Variants in HIRA observed in about 807,000 individuals in gnomAD.
HIRA encodes the protein histone cell cycle regulator.
HIRA carries 13 observed loss-of-function variants against 126.6 expected under a neutral mutation model. The ratio of observed to expected loss-of-function variants is 0.10; its 90% CI spans 0.07 to 0.16. The LOEUF (loss-of-function observed/expected upper bound fraction) is 0.16, where lower values mean the gene tolerates loss of function less well. Among genes scored for constraint, HIRA ranks in the 10% least tolerant of loss-of-function variants. The pLI is 1.00. For synonymous variants in HIRA, 511 were observed against 520.0 expected (o/e 0.98, Z 0.24); for missense variants, 834 against 1,314.4 (o/e 0.63, Z 5.65).
chr22:19,357,954 A>T (rs980849333), intron 18 of HIRA, among the ~76,000 whole-genome samples: 25 of 152,108 alleles, frequency 1.6e-4, no homozygotes, highest in African/African-American at 6.0e-4. Context: ...ATCAGAGAAC[A>T]CTCTAAGCAG....
At chr22:19,358,616 C>T (rs1454293500) in intron 18 of HIRA, among the ~76,000 whole-genome samples, 1 of 152,206 alleles carries the variant, frequency 6.6e-6, no homozygotes, top group Admixed American at 6.5e-5. Context: ...ACACAAAACT[C>T]ACTCAGGGCC....
chr22:19,383,397 C>G (rs1318121861), intron 13 of HIRA, among the ~76,000 whole-genome samples: 3 of 152,178 alleles, frequency 2.0e-5, no homozygotes, highest in Non-Finnish European at 4.4e-5. Flanking sequence ...GTGCTGGCCG[C>G]CTTAGCACTC....
chr22:19,339,172 A>C (rs932388236), intron 24 of HIRA, among the ~76,000 whole-genome samples: 1 of 152,216 alleles, frequency 6.6e-6, no homozygotes, highest in South Asian at 2.1e-4. Flanking sequence ...ATACAAATAC[A>C]TGGAAATTAA....
At chr22:19,410,842 C>T (rs1397501581) in intron 1 of HIRA, 64 bp from the exon 2 acceptor site, 21 of 1,291,212 alleles carry the variant, frequency 1.6e-5, no homozygotes, top group Non-Finnish European at 2.3e-5. Flanking sequence ...GTGTATCAAA[C>T]TCAACAGATT....
chr22:19,431,529 G>T lies in HIRA; in HGVS notation c.-53C>A. Reference sequence around the variant, plus strand: ...AGGCGAGCGCCGGGTCCCTCAGCGCGCCCGGGCCATGGAGCCACCGCCGCC... The same window carrying T: ...AGGCGAGCGCCGGGTCCCTCAGCGCTCCCGGGCCATGGAGCCACCGCCGCC... On this transcript the variant is annotated 5_prime_UTR_variant, in exon 1 of 25. Transcript: ENST00000263208. The T allele has an allele frequency of 6.8e-7, 1 of 1,473,906 alleles. No individual in the cohort carries two copies. Among genetic ancestry groups the T allele is most frequent in the Admixed American group, 2.0e-5 (1 of 50,180 alleles). 91.3% of individuals were successfully genotyped at this position (1,473,906 alleles called of 1,614,324 possible).
intron 7 of HIRA, among the ~76,000 whole-genome samples, chr22:19,396,322 C>G (rs1397117343): frequency 6.6e-6 from 1 of 152,168 alleles, no homozygotes. Context: ...TCGAGACCAG[C>G]CTGGCCAACA....
chr22:19,364,825 A>G (rs1448532167), intron 15 of HIRA, among the ~76,000 whole-genome samples: 1 of 152,230 alleles, frequency 6.6e-6, no homozygotes, highest in Non-Finnish European at 1.5e-5. Flanking sequence ...GATTAAGCTT[A>G]AAGAGGAAGG....
intron 9 of HIRA, among the ~76,000 whole-genome samples, chr22:19,390,876 C>T (rs1187391171): frequency 2.0e-5 from 3 of 151,970 alleles, no homozygotes; most frequent in African/African-American, 7.3e-5. Flanking sequence ...CTCATGCCAG[C>T]GTAAACACCT....
intron 24 of HIRA, among the ~76,000 whole-genome samples, chr22:19,349,399 G>C (rs187073689): frequency 5.1e-4 from 77 of 152,228 alleles, no homozygotes; most frequent in African/African-American, 1.7e-3. Flanking sequence ...CACTGTGCCC[G>C]GCGATACAGC....
intron 24 of HIRA, among the ~76,000 whole-genome samples, chr22:19,334,135 T>C (rs1049122654): frequency 7.2e-5 from 11 of 151,818 alleles, no homozygotes; most frequent in East Asian, 4.0e-4. Context: ...CCAGCACGCC[T>C]GGCTAATTTT....
In HIRA at chr22:19,361,738, G is replaced by C; in HGVS notation, c.1969C>G (p.Leu657Val). The stretch of plus-strand genomic sequence containing the variant: ...CCCACTGGCCTCACCTGGACAGACA[G>C]AGACACAGGCATGAGACGAGAGTCC... ...RKDSRLMPVS[L>V]SVQSPAALTA... Residue 657 changes from leucine to valine, a missense_variant, in exon 16 of 25, where the codon CTG becomes GTG. By Grantham distance (32) the Leu-to-Val change is conservative. Coordinates refer to ENST00000263208, the MANE Select transcript of HIRA (RefSeq NM_003325.4). 1.9e-6 allele frequency: 3 copies of C among 1,612,440 alleles called. No homozygotes were observed. Among genetic ancestry groups the C allele is most frequent in the Non-Finnish European group, 2.5e-6 (3 of 1,180,014 alleles).
At chr22:19,361,155 A>G in intron 17 of HIRA, 82 bp downstream of exon 17, 1 of 1,070,198 alleles carries the variant, frequency 9.3e-7, no homozygotes. Flanking sequence ...CAAGGAAGTG[A>G]CAAGATAGGA....
chr22:19,379,628 TAA>T (rs753015452), intron 13 of HIRA, among the ~76,000 whole-genome samples: 38 of 130,872 alleles, frequency 2.9e-4, no homozygotes, highest in Non-Finnish European at 2.6e-4. Flanking sequence ...TCGCCTCAAT[TAA>T]AAAAAAAAAA....
chr22:19,408,378 GGA>G, intron 3 of HIRA, 103 bp downstream of exon 3: 2 of 711,292 alleles, frequency 2.8e-6, no homozygotes, highest in South Asian at 3.1e-5. Flanking sequence ...CAGGCCGAGG[GGA>G]GTTACCGCCG....
rs748482965 is a variant in HIRA, at chr22:19,408,605, G to C, written c.101-12C>G. The C allele has an allele frequency of 3.3e-6, 5 of 1,494,380 alleles. No homozygotes were observed. The African/African-American group carries it at 6.9e-5, about 21-fold the overall frequency. 92.6% of individuals were successfully genotyped at this position (1,494,380 alleles called of 1,614,324 possible). Reference sequence around the variant, plus strand: ...CCCAGAATCCTGCCCTGGAACAAAGGAGCAGAAATGGCTGAATGTGCAAGG... The same window carrying C: ...CCCAGAATCCTGCCCTGGAACAAAGCAGCAGAAATGGCTGAATGTGCAAGG... On this transcript the variant is annotated splice_polypyrimidine_tract_variant and intron_variant, in intron 2 of 24. Transcript: ENST00000263208.
At chr22:19,408,860 C>T (rs1017983687) in intron 2 of HIRA, among the ~76,000 whole-genome samples, 6 of 152,190 alleles carry the variant, frequency 3.9e-5, no homozygotes, top group Non-Finnish European at 8.8e-5. Context: ...CAGGAGGGAA[C>T]TGAGCTCTGA....
chr22:19,419,273 G>C (rs752438136), intron 1 of HIRA, among the ~76,000 whole-genome samples: 1 of 152,142 alleles, frequency 6.6e-6, no homozygotes, highest in Admixed American at 6.5e-5. Context: ...CAGACCTTGA[G>C]AGGAGAGGCC....
At chr22:19,394,237 T>C (rs1456011292) in intron 8 of HIRA, 105 bp downstream of exon 8, 1 of 1,348,844 alleles carries the variant, frequency 7.4e-7, no homozygotes. Flanking sequence ...CTCTATTTTG[T>C]AAAATTAGCT....
chr22:19,340,956 A>G (rs901055934), intron 24 of HIRA, among the ~76,000 whole-genome samples: 28 of 152,212 alleles, frequency 1.8e-4, no homozygotes, highest in Non-Finnish European at 5.9e-5. Context: ...CTACAGATTC[A>G]ATGCAATTCC....
Sources: allele counts gnomAD v4.1 joint callset (sites outside exome capture counted in the v4.1 genomes callset), GRCh38; gene constraint gnomAD v4.1.1; transcripts MANE v1.5; gene names NCBI Gene and HGNC (gene_info 2026-07-23, HGNC 2026-07-21).